Variants in SPTBN1 observed in about 807,000 individuals in gnomAD.
SPTBN1 encodes the protein spectrin beta chain, non-erythrocytic 1.
SPTBN1 carries 32 observed loss-of-function variants against 266.4 expected under a neutral mutation model. That is an observed-to-expected ratio of 0.12 (90% CI 0.09 to 0.16). SPTBN1 has a LOEUF of 0.16. SPTBN1 is among the 10% of genes least tolerant of loss of function. The pLI, the probability that SPTBN1 is intolerant of heterozygous loss-of-function variation, is 1.00. For missense variants in SPTBN1, 2,296 were observed against 3,067.1 expected (o/e 0.75, Z 5.94); for synonymous variants, 1,336 against 1,162.2 (o/e 1.15, Z -3.04).
intron 5 of SPTBN1, among the ~76,000 whole-genome samples, chr2:54,616,655 C>T (rs1677637067): frequency 6.6e-6 from 1 of 152,184 alleles, no homozygotes; most frequent in Non-Finnish European, 1.5e-5. Context: ...TTTTGGGGAG[C>T]TTTCTTTGCA....
intron 1 of SPTBN1, among the ~76,000 whole-genome samples, chr2:54,511,787 C>T (rs571684280): frequency 6.6e-6 from 1 of 152,142 alleles, no homozygotes; most frequent in Non-Finnish European, 1.5e-5. Context: ...AGGAGAACCT[C>T]TTGAACCCAA....
In SPTBN1 at chr2:54,598,685, T is replaced by G. The variant is rs1676265100; in HGVS notation, c.149-407T>G. On this transcript the variant is annotated intron_variant, in intron 2 of 35. Coordinates refer to ENST00000356805, the MANE Select transcript of SPTBN1 (RefSeq NM_003128.3). ...TATGTAGGAAGCTTTACCAGTCAAG[T>G]ATTATGGTATAGGGCAGGACTGCAA... 2.0e-5 allele frequency among the ~76,000 whole-genome samples: 3 copies of G among 152,120 alleles called. No individual in the cohort carries two copies. The South Asian group carries it at 6.2e-4, about 32-fold the overall frequency.
intron 2 of SPTBN1, among the ~76,000 whole-genome samples, chr2:54,552,973 T>C (rs1672665035): frequency 6.6e-6 from 1 of 152,200 alleles, no homozygotes; most frequent in South Asian, 2.1e-4. Flanking sequence ...AGAAAGGAGA[T>C]GTTCTAAAGA....
intron 1 of SPTBN1, among the ~76,000 whole-genome samples, chr2:54,516,615 C>T (rs1024619626): frequency 3.3e-5 from 5 of 152,154 alleles, no homozygotes; most frequent in African/African-American, 9.7e-5. Flanking sequence ...ATGGATTATG[C>T]TTGCCGACTA....
chr2:54,492,865 C>T (rs1031993042), intron 1 of SPTBN1, among the ~76,000 whole-genome samples: 1 of 152,110 alleles, frequency 6.6e-6, no homozygotes, highest in African/African-American at 2.4e-5. Flanking sequence ...CTCTGTTATG[C>T]TATTACACTC....
chr2:54,660,467 A>T (rs1235698563), intron 32 of SPTBN1: 1 of 994,788 alleles, frequency 1.0e-6, no homozygotes, highest in Non-Finnish European at 1.2e-6. Context: ...CCGCCTTTAC[A>T]GATGTTATTA....
chr2:54,621,377 A>C lies in SPTBN1; in HGVS notation c.764-23A>C, dbSNP rs781416694. On this transcript the variant is annotated intron_variant, in intron 7 of 35. Coordinates refer to ENST00000356805, the MANE Select transcript of SPTBN1 (RefSeq NM_003128.3). ...GGCACAGTAGCATGCAACACACTGA[A>C]CAGAGTCTTCTCTGGGTTACAGACA... 2.5e-6 allele frequency: 4 copies of C among 1,595,240 alleles called. No individual in the cohort carries two copies. In the South Asian group the frequency reaches 4.4e-5, roughly 18 times the overall value.
chr2:54,594,150 T>G (rs1318689708), intron 2 of SPTBN1, among the ~76,000 whole-genome samples: 1 of 152,122 alleles, frequency 6.6e-6, no homozygotes, highest in Non-Finnish European at 1.5e-5. Context: ...TTAAATGTTG[T>G]GCGTGAGGCA....
At chr2:54,515,512 A>C (rs1442476939) in intron 1 of SPTBN1, among the ~76,000 whole-genome samples, 2 of 151,918 alleles carry the variant, frequency 1.3e-5, no homozygotes, top group Non-Finnish European at 2.9e-5. Context: ...ATCCCTTATC[A>C]GGAATTTTTT....
intron 18 of SPTBN1, among the ~76,000 whole-genome samples, chr2:54,641,173 G>A (rs910426035): frequency 6.6e-6 from 1 of 152,176 alleles, no homozygotes; most frequent in African/African-American, 2.4e-5. Flanking sequence ...GCAGAGTGCT[G>A]ATGAACTAGC....
chr2:54,532,282 C>CATA (rs1322281424), intron 2 of SPTBN1, among the ~76,000 whole-genome samples: 5 of 152,248 alleles, frequency 3.3e-5, no homozygotes, highest in Admixed American at 3.3e-4. Context: ...GTATGAGACT[C>CATA]CGTCTCAAAA....
chr2:54,632,312 T>TA (rs1372212292), intron 16 of SPTBN1, among the ~76,000 whole-genome samples: 1 of 152,176 alleles, frequency 6.6e-6, no homozygotes, highest in Non-Finnish European at 1.5e-5. Context: ...TTGAGGCTGA[T>TA]ACACAAAGCT....
chr2:54,457,185 C>T (rs1438934547), intron 1 of SPTBN1: 2 of 146,612 alleles, frequency 1.4e-5, no homozygotes, highest in Non-Finnish European at 3.0e-5. Flanking sequence ...CGTCCCCACT[C>T]TCCCAGGGCT....
At position 54,620,391 on chromosome 2, in the gene SPTBN1, T is replaced by C. The variant is rs577452762; in HGVS notation, c.764-1009T>C. Among the ~76,000 whole-genome samples the C allele has an allele frequency of 1.5e-4, 23 of 152,328 alleles. No individual in the cohort carries two copies. In the South Asian group the frequency reaches 3.7e-3, roughly 25 times the overall value. On this transcript the variant is annotated intron_variant, in intron 7 of 35. Transcript: ENST00000356805. The stretch of plus-strand genomic sequence containing the variant: ...ACCTTGATGGATAGTAAGAAAGTTA[T>C]GGGGTCATGAAGGCCATTTCAGACA...
chr2:54,603,972 C>T (rs1176998509), intron 3 of SPTBN1, among the ~76,000 whole-genome samples: 2 of 152,198 alleles, frequency 1.3e-5, no homozygotes, highest in African/African-American at 4.8e-5. Context: ...TCCTGCAACA[C>T]CCTGTAGATT....
chr2:54,544,051 A>T (rs1672096493), intron 2 of SPTBN1, among the ~76,000 whole-genome samples: 1 of 152,222 alleles, frequency 6.6e-6, no homozygotes, highest in Non-Finnish European at 1.5e-5. Context: ...AATACTTAAA[A>T]TGTGTGTATC....
intron 1 of SPTBN1, among the ~76,000 whole-genome samples, chr2:54,469,592 C>T (rs4671940): frequency 1.3e-5 from 2 of 152,018 alleles, no homozygotes; most frequent in Non-Finnish European, 2.9e-5. Flanking sequence ...GGAGTCTCAA[C>T]TTGATCTTGA....
At position 54,622,356 on chromosome 2, in the gene SPTBN1, C is replaced by G; in HGVS notation, c.933C>G (p.Ala311=). 6.2e-7 allele frequency: 1 copy of G among 1,614,182 alleles called. No individual in the cohort carries two copies. The highest frequency in any genetic ancestry group is 8.5e-7 in the Non-Finnish European group (1 of 1,180,030). The stretch of plus-strand genomic sequence containing the variant: ...TGATTGAAAAGTATGAATCACTTGC[C>G]TCTGACCTTCTGGAATGGATTGAAC... ...EKMIEKYESL[A]SDLLEWIEQT... Residue 311 remains alanine (A), a synonymous_variant, in exon 9 of 36, where the codon GCC becomes GCG. Transcript: ENST00000356805.
chr2:54,661,258 C>A lies in SPTBN1; in HGVS notation c.6420+1259C>A, dbSNP rs1328456199. The A allele has an allele frequency of 5.1e-6, 5 of 985,746 alleles. No individual in the cohort carries two copies. In the East Asian group the frequency reaches 4.5e-4, roughly 89 times the overall value. The allele number at this position is 985,746 out of a possible 1,614,324, so 61.1% of individuals were successfully genotyped here. A position where few individuals can be genotyped will look rare whatever the true frequency, so the allele number is the denominator to read the frequency against. Reference sequence around the variant, plus strand: ...TTTCCTTAGAAATAAAAGCTGGTGACAGAGATGGTTTCCTTGTACCGATAA... The same window carrying A: ...TTTCCTTAGAAATAAAAGCTGGTGAAAGAGATGGTTTCCTTGTACCGATAA... On this transcript the variant is annotated intron_variant, in intron 32 of 35. Transcript: ENST00000356805.
Sources: gnomAD v4.1 joint callset for allele counts (sites outside exome capture counted in the v4.1 genomes callset) on GRCh38, gnomAD v4.1.1 for gene constraint, MANE v1.5 for transcripts, NCBI Gene and HGNC (gene_info 2026-07-23, HGNC 2026-07-21) for gene names.